MANSC4: variants seen among roughly 807,000 people sequenced by gnomAD.
The protein encoded by MANSC4 is MANSC domain-containing protein 4.
MANSC4 carries 11 observed loss-of-function variants against 11.4 expected under a neutral mutation model. The observed-to-expected ratio is 0.97, with a 90% CI of 0.61 to 1.60. The LOEUF (loss-of-function observed/expected upper bound fraction) is 1.60. Among genes scored for constraint, MANSC4 ranks in the 40% most tolerant of loss-of-function variants. MANSC4 has a pLI of 0.00. For missense variants in MANSC4, 354 were observed against 404.6 expected (o/e 0.88, Z 1.07); for synonymous variants, 123 against 147.1 (o/e 0.84, Z 1.19).
chr12:27,778,566 A>G (rs2062128554), intron 1 of MANSC4, among the ~76,000 whole-genome samples: 1 of 144,474 alleles, frequency 6.9e-6, no homozygotes. Flanking sequence ...TTGTAATAAT[A>G]AAAAAAAAAA....
intron 3 of MANSC4, among the ~76,000 whole-genome samples, chr12:27,765,615 C>T (rs575101605): frequency 1.3e-5 from 2 of 152,254 alleles, no homozygotes; most frequent in Admixed American, 6.5e-5. Context: ...TGAAACTTTG[C>T]ACTGAGGCAG....
At chr12:27,764,155 A>G (rs1003727063) in intron 3 of MANSC4, among the ~76,000 whole-genome samples, 4 of 152,190 alleles carry the variant, frequency 2.6e-5, no homozygotes, top group African/African-American at 4.8e-5. Context: ...CTTTGTCTTT[A>G]GTATTTTCTC....
At chr12:27,779,269 G>C (rs1008210603) in intron 1 of MANSC4, among the ~76,000 whole-genome samples, 1 of 152,174 alleles carries the variant, frequency 6.6e-6, no homozygotes, top group African/African-American at 2.4e-5. Context: ...ACATTTATGA[G>C]CCAATTTTGT....
intron 3 of MANSC4, among the ~76,000 whole-genome samples, chr12:27,764,443 G>A (rs978644583): frequency 2.0e-5 from 3 of 151,948 alleles, no homozygotes; most frequent in South Asian, 2.1e-4. Flanking sequence ...ATGACTTCCC[G>A]GACCCCGGAC....
Position 27,771,157 on chromosome 12 carries a change from A to T in MANSC4, c.120T>A (p.Gly40=), listed in dbSNP as rs1409249227. ...GAGACTCCTCCAGATTGATTAGAAG[A>T]CCTGGGAAGCGACGGATCCAGCAGT... ...YRDCWIRRFP[G]LLINLEESQK... is the part of the protein sequence containing the mutation. The change falls in exon 2 of 4, where the codon GGT becomes GGA. Residue 40 remains glycine, a synonymous_variant. Transcript: ENST00000381273. 6.4e-7 allele frequency: 1 copy of T among 1,551,994 alleles called. No individual in the cohort carries two copies. Among genetic ancestry groups the T allele is most frequent in the East Asian group, 2.4e-5 (1 of 40,926 alleles).
chr12:27,777,779 T>C (rs1393791601), intron 1 of MANSC4, among the ~76,000 whole-genome samples: 1 of 152,140 alleles, frequency 6.6e-6, no homozygotes, highest in Non-Finnish European at 1.5e-5. Context: ...TCCTTATTCC[T>C]AGCATTATTA....
rs1034960377 is a variant in MANSC4, at chr12:27,762,760, T to C, written c.1001A>G (p.His334Arg). ...SGSLQIKNRN[H>R]MKENSS is the part of the protein sequence containing the mutation. ...TTACTATGAAGAGTTCTCCTTCATATGGTTACGGTTTTTAATTTGCAAGGA... is the reference window on the plus strand; with the variant it reads ...TTACTATGAAGAGTTCTCCTTCATACGGTTACGGTTTTTAATTTGCAAGGA... The change falls in exon 4 of 4, where the codon CAT becomes CGT. Residue 334 changes from histidine (H) to arginine (R), a missense_variant. Transcript: ENST00000381273. The C allele has an allele frequency of 1.7e-5, 26 of 1,540,824 alleles. No individual in the cohort carries two copies. Among genetic ancestry groups the C allele is most frequent in the Non-Finnish European group, 2.2e-5 (25 of 1,142,722 alleles).
intron 3 of MANSC4, among the ~76,000 whole-genome samples, chr12:27,764,106 G>A (rs1209582546): frequency 6.6e-6 from 1 of 152,166 alleles, no homozygotes; most frequent in East Asian, 1.9e-4. Flanking sequence ...CATGAGCAAA[G>A]CCTTACGCCT....
At chr12:27,779,328 A>T (rs972332254) in intron 1 of MANSC4, among the ~76,000 whole-genome samples, 20 of 152,366 alleles carry the variant, frequency 1.3e-4, no homozygotes, top group African/African-American at 4.6e-4. Context: ...GGACTGAAGT[A>T]GAAAAGCAAT....
chr12:27,763,221 T>C lies in MANSC4; in HGVS notation c.540A>G (p.Gln180=), dbSNP rs1029932676. Residue 180 remains glutamine (Q), a synonymous_variant, in exon 4 of 4, where the codon CAA becomes CAG. Transcript: ENST00000381273. ...STEAPSSTTH[Q]DLVVNTNSTS... Reference sequence around the variant, plus strand: ...TACTGTTTGTGTTTACAACCAAATCTTGATGCGTGGTTGAGGATGGAGCCT... The same window carrying C: ...TACTGTTTGTGTTTACAACCAAATCCTGATGCGTGGTTGAGGATGGAGCCT... The C allele has an allele frequency of 3.4e-5, 53 of 1,551,650 alleles. No homozygotes were observed. Among genetic ancestry groups the C allele is most frequent in the Middle Eastern group, 3.3e-4 (2 of 6,014 alleles).
chr12:27,772,242 C>A (rs2062103848), intron 1 of MANSC4, among the ~76,000 whole-genome samples: 3 of 152,134 alleles, frequency 2.0e-5, no homozygotes, highest in Non-Finnish European at 4.4e-5. Flanking sequence ...TAGCTCAAAG[C>A]ATAAAACTGT....
chr12:27,765,252 C>T (rs994734940), intron 3 of MANSC4, among the ~76,000 whole-genome samples: 4 of 152,240 alleles, frequency 2.6e-5, no homozygotes, highest in Admixed American at 1.3e-4. Flanking sequence ...ATTTCAACTA[C>T]AGTCACTTTG....
intron 2 of MANSC4, among the ~76,000 whole-genome samples, chr12:27,767,055 C>A (rs1048671804): frequency 9.9e-5 from 15 of 152,162 alleles, no homozygotes; most frequent in African/African-American, 3.6e-4. Flanking sequence ...TTACAGCTCA[C>A]TGCAGCCTAG....
chr12:27,768,416 A>G (rs1353619005), intron 2 of MANSC4, among the ~76,000 whole-genome samples: 1 of 110,362 alleles, frequency 9.1e-6, no homozygotes, highest in Non-Finnish European at 2.4e-5. Context: ...AAAAAAAAAA[A>G]AAAAAAGAAA....
chr12:27,772,193 T>C (rs1346231136), intron 1 of MANSC4, among the ~76,000 whole-genome samples: 1 of 152,206 alleles, frequency 6.6e-6, no homozygotes, highest in Non-Finnish European at 1.5e-5. Context: ...TTTGTGAAAG[T>C]TGTGGGTTTC....
chr12:27,766,908 T>C, intron 2 of MANSC4, 109 bp from the exon 3 acceptor site: 1 of 1,174,506 alleles, frequency 8.5e-7, no homozygotes. Context: ...TAACAGTATT[T>C]TTCAGGGCAA....
Position 27,768,418 on chromosome 12 carries a change from AAAAAG to A in MANSC4, c.230-1624_230-1620del, listed in dbSNP as rs1221625423. On this transcript the variant is annotated intron_variant, in intron 2 of 3. Transcript: ENST00000381273. ...ACTCTGTCTCAAAAAAAAAAAAAAA[AAAAAG>A]AAAAAGAAAAAGAAAAAGAAAAAGA... is the stretch of plus-strand genomic sequence containing the variant. 4.9e-3 allele frequency among the ~76,000 whole-genome samples: 575 copies of A among 117,046 alleles called. 3 individuals are homozygous for A. The highest frequency in any genetic ancestry group is 0.02 in the South Asian group (77 of 3,846). 76.8% of individuals were successfully genotyped at this position (117,046 alleles called of 152,430 possible). A position where few individuals can be genotyped will look rare whatever the true frequency, so the allele number is the denominator to read the frequency against.
intron 1 of MANSC4, among the ~76,000 whole-genome samples, chr12:27,778,225 CAAA>C (rs34172632): frequency 3.0e-5 from 4 of 134,948 alleles, no homozygotes; most frequent in Admixed American, 7.2e-5. Flanking sequence ...AACTCTGTCT[CAAA>C]AAAAAAAAAA....
chr12:27,766,583 T>C, intron 3 of MANSC4, 82 bp downstream of exon 3: 3 of 1,420,090 alleles, frequency 2.1e-6, no homozygotes, highest in Non-Finnish European at 2.8e-6. Flanking sequence ...CATATGGCTA[T>C]TGCCAGCCAG....
Sources: gnomAD v4.1 joint callset for allele counts (sites outside exome capture counted in the v4.1 genomes callset) on GRCh38, gnomAD v4.1.1 for gene constraint, MANE v1.5 for transcripts, NCBI Gene and HGNC (gene_info 2026-07-23, HGNC 2026-07-21) for gene names.